Variants in CHST15 observed in about 807,000 individuals in gnomAD.
The protein encoded by CHST15 is carbohydrate sulfotransferase 15, also known as B cell RAG associated protein (GALNAC4S-6ST).
CHST15 carries 30 observed loss-of-function variants against 53.6 expected under a neutral mutation model. The ratio of observed to expected loss-of-function variants is 0.56; its 90% CI spans 0.42 to 0.76. The LOEUF is 0.76. Among genes scored for constraint, CHST15 ranks in the 30% least tolerant of loss-of-function variants. The pLI is 0.00. For missense variants in CHST15, 627 were observed against 740.5 expected (o/e 0.85, Z 1.78); for synonymous variants, 296 against 289.8 (o/e 1.02, Z -0.22).
intron 3 of CHST15, among the ~76,000 whole-genome samples, chr10:124,042,753 A>T (rs1206634236): frequency 6.6e-6 from 1 of 152,210 alleles, no homozygotes; most frequent in Admixed American, 6.5e-5. Context: ...GCTTGGAGGG[A>T]CAAAGTCTGG....
At chr10:124,015,162 C>T (rs1946547842) in intron 6 of CHST15, among the ~76,000 whole-genome samples, 1 of 152,206 alleles carries the variant, frequency 6.6e-6, no homozygotes, top group Admixed American at 6.5e-5. Flanking sequence ...GGCAGTATCA[C>T]TACTGCAACC....
At chr10:124,035,316 C>CCTG (rs1947440942) in intron 5 of CHST15, among the ~76,000 whole-genome samples, 1 of 147,158 alleles carries the variant, frequency 6.8e-6, no homozygotes, top group Admixed American at 6.7e-5. Context: ...CGGCTCCACC[C>CCTG]ACTAACAGGG....
rs191840805 is a variant in CHST15 at position 124,023,374 on chromosome 10, A to G, written c.1191-1962T>C. 6.6e-5 allele frequency among the ~76,000 whole-genome samples: 10 copies of G among 151,736 alleles called. No individual in the cohort carries two copies. In the East Asian group the frequency reaches 2.0e-3, roughly 30 times the overall value. On this transcript the variant is annotated intron_variant, in intron 5 of 7. Coordinates refer to ENST00000435907, the MANE Select transcript of CHST15 (RefSeq NM_001270764.2). ...GGTGGTGCGTGCCTGTAGTCCAGCT[A>G]TTCTGGAGACTGAGGTGGGAGAATG...
Position 124,008,996 on chromosome 10 carries a change from C to T in CHST15, c.*1153G>A. 7.8e-7 allele frequency: 1 copy of T among 1,289,174 alleles called. No individual in the cohort carries two copies. Among genetic ancestry groups the T allele is most frequent in the Non-Finnish European group, 1.0e-6 (1 of 988,702 alleles). 79.9% of individuals were successfully genotyped at this position (1,289,174 alleles called of 1,614,324 possible). ...AAATCTCAACACGCCACGTTCAGCC[C>T]AAGTTCAGCTTGTGCATTGTGTTTT... is the stretch of plus-strand genomic sequence containing the variant. On this transcript the variant is annotated 3_prime_UTR_variant, in exon 8 of 8. Coordinates refer to ENST00000435907, the MANE Select transcript of CHST15 (RefSeq NM_001270764.2).
chr10:124,054,683 C>T (rs139456246), intron 1 of CHST15, among the ~76,000 whole-genome samples: 373 of 152,268 alleles, frequency 2.4e-3, no homozygotes, highest in African/African-American at 8.7e-3. Context: ...TCTCAGGCAA[C>T]GAATTTAACC....
chr10:124,059,770 G>C (rs185719776), intron 1 of CHST15, among the ~76,000 whole-genome samples: 2 of 152,166 alleles, frequency 1.3e-5, no homozygotes, highest in African/African-American at 4.8e-5. Flanking sequence ...TTGCTGATCC[G>C]GGTAGTTCTA....
At chr10:124,056,269 C>T (rs1219771422) in intron 1 of CHST15, among the ~76,000 whole-genome samples, 1 of 152,176 alleles carries the variant, frequency 6.6e-6, no homozygotes, top group Non-Finnish European at 1.5e-5. Flanking sequence ...TACAGATTTG[C>T]AGTCTCACCC....
chr10:124,011,840 T>C, intron 7 of CHST15: 1 of 985,420 alleles, frequency 1.0e-6, no homozygotes, highest in South Asian at 4.7e-5. Flanking sequence ...GATGATGCAA[T>C]GATCTGTCTG....
At chr10:124,029,911 C>T (rs1369284553) in intron 5 of CHST15, among the ~76,000 whole-genome samples, 1 of 152,212 alleles carries the variant, frequency 6.6e-6, no homozygotes, top group African/African-American at 2.4e-5. Flanking sequence ...GATCCCAGCC[C>T]AGCGGGCACA....
intron 1 of CHST15, among the ~76,000 whole-genome samples, chr10:124,048,975 C>T (rs768120232): frequency 6.6e-6 from 1 of 152,126 alleles, no homozygotes; most frequent in Non-Finnish European, 1.5e-5. Flanking sequence ...AGCATGTCTG[C>T]GGGGCAGCTG....
intron 1 of CHST15, among the ~76,000 whole-genome samples, chr10:124,066,578 G>C (rs564708123): frequency 1.0e-3 from 158 of 152,330 alleles, no homozygotes; most frequent in African/African-American, 3.6e-3. Context: ...GACATCGCTG[G>C]AAAGTCTTTG....
chr10:124,030,758 T>C (rs1287099250), intron 5 of CHST15, among the ~76,000 whole-genome samples: 1 of 152,234 alleles, frequency 6.6e-6, no homozygotes, highest in Non-Finnish European at 1.5e-5. Context: ...TCAGTGCTTC[T>C]AGGGGCTGGG....
At chr10:124,037,551 A>C (rs1947547461) in intron 5 of CHST15, among the ~76,000 whole-genome samples, 1 of 152,282 alleles carries the variant, frequency 6.6e-6, no homozygotes, top group African/African-American at 2.4e-5. Context: ...CTTAGCTCTG[A>C]TGTGGAAGTA....
At chr10:124,014,233 T>C (rs894584712) in intron 6 of CHST15, among the ~76,000 whole-genome samples, 1 of 152,182 alleles carries the variant, frequency 6.6e-6, no homozygotes, top group Non-Finnish European at 1.5e-5. Flanking sequence ...TCTCCACCAT[T>C]CCCTCCTTGC....
rs199598072 is a variant in CHST15 at position 124,080,620 on chromosome 10, CA to C, written c.-513+12848del. Among the ~76,000 whole-genome samples, 1,173 of 152,262 alleles carry C rather than the reference CA, an allele frequency of 7.7e-3. 17 individuals are homozygous for C. The highest frequency in any genetic ancestry group is 0.026 in the African/African-American group (1,096 of 41,542). On this transcript the variant is annotated intron_variant, in intron 1 of 7. Transcript: ENST00000435907. The stretch of plus-strand genomic sequence containing the variant: ...GTTCTTTTCACTGGAGGGTGACTCT[CA>C]AGAGGATGTGCAGAGCCTGAGTCAG...
In CHST15 at chr10:124,044,661, G is replaced by A. The variant is rs1947889402; in HGVS notation, c.805C>T (p.Leu269Phe). ...GGGTGCAGCCGCAGGCGGTCATAGA[G>A]GTCTGTGGTCCCGCACTTGGGCTGC... The part of the protein sequence containing the change: ...IGQPKCGTTD[L>F]YDRLRLHPEV... The change falls in exon 3 of 8, where the codon CTC becomes TTC. Residue 269 changes from leucine (L) to phenylalanine (F), a missense_variant. Around this residue, in one of 3 missense-constraint regions of CHST15, gnomAD observed 161 missense variants for 117.2 expected, o/e 1.37. Coordinates refer to ENST00000435907, the MANE Select transcript of CHST15 (RefSeq NM_001270764.2). 6.2e-7 allele frequency: 1 copy of A among 1,612,926 alleles called. No homozygotes were observed. The highest frequency in any genetic ancestry group is 8.5e-7 in the Non-Finnish European group (1 of 1,179,400).
chr10:124,072,620 G>C (rs1017481052), intron 1 of CHST15, among the ~76,000 whole-genome samples: 42 of 152,242 alleles, frequency 2.8e-4, no homozygotes, highest in Admixed American at 1.4e-3. Flanking sequence ...CCAGCTACCA[G>C]GCCAGCCACC....
intron 5 of CHST15, among the ~76,000 whole-genome samples, chr10:124,030,636 C>T (rs1219591398): frequency 1.3e-5 from 2 of 152,232 alleles, no homozygotes; most frequent in Non-Finnish European, 2.9e-5. Context: ...TCCCTCAGTG[C>T]TAGGAACAGC....
chr10:124,042,777 G>A (rs2133985909), intron 3 of CHST15, among the ~76,000 whole-genome samples: 1 of 152,298 alleles, frequency 6.6e-6, no homozygotes, highest in Admixed American at 6.5e-5. Context: ...TGGTTAACTT[G>A]TGCACAGGTG....
Sources: gnomAD v4.1 joint callset for allele counts (sites outside exome capture counted in the v4.1 genomes callset) on GRCh38, gnomAD v4.1.1 for gene constraint, gnomAD v4.1.1 regional missense constraint, MANE v1.5 for transcripts, NCBI Gene and HGNC (gene_info 2026-07-23, HGNC 2026-07-21) for gene names.